MRC1: variants seen among roughly 807,000 people sequenced by gnomAD.
MRC1 encodes the protein mannose receptor C-type 1, also known as macrophage mannose receptor 1.
Under a neutral mutation model 102.9 loss-of-function variants are expected in MRC1, and 62 were observed. The observed-to-expected ratio is 0.60, with a 90% CI of 0.49 to 0.74. MRC1 has a LOEUF of 0.74. Ranked by LOEUF, MRC1 falls within the 30% of genes least tolerant of loss-of-function variation. MRC1 has a pLI of 0.00. For missense variants in MRC1, 1,237 were observed against 862.8 expected (o/e 1.43, Z -5.43); for synonymous variants, 457 against 298.4 (o/e 1.53, Z -5.48).
At chr10:17,838,044 C>G (rs1157372466) in intron 4 of MRC1, among the ~76,000 whole-genome samples, 3 of 151,540 alleles carry the variant, frequency 2.0e-5, no homozygotes, top group Non-Finnish European at 4.4e-5. Flanking sequence ...ATATTATTAG[C>G]CCCACTGTAT....
At chr10:17,906,378 T>A (rs1258950988) in intron 26 of MRC1, among the ~76,000 whole-genome samples, 1 of 151,970 alleles carries the variant, frequency 6.6e-6, no homozygotes, top group African/African-American at 2.4e-5. Flanking sequence ...CTGAAGAAGT[T>A]CTATGCTTCC....
intron 1 of MRC1, among the ~76,000 whole-genome samples, chr10:17,818,483 A>G (rs1838345776): frequency 6.6e-6 from 1 of 152,198 alleles, no homozygotes; most frequent in Non-Finnish European, 1.5e-5. Flanking sequence ...AAATAAAAGA[A>G]TAAAATGAGT....
rs1233316286 is a variant in MRC1, at chr10:17,848,520, A to G, written c.1064-1059A>G. Among the ~76,000 whole-genome samples the G allele has an allele frequency of 4.6e-5, 7 of 152,250 alleles. No homozygotes were observed. The East Asian group carries it at 1.4e-3, about 29-fold the overall frequency. On this transcript the variant is annotated intron_variant, in intron 6 of 29. Transcript: ENST00000569591. ...AATCAAGATTATACAATTTGATCCT[A>G]TTAGTAGCGAGGCTGAGGATGTTGA...
intron 5 of MRC1, 95 bp downstream of exon 5, chr10:17,840,901 A>G: frequency 1.3e-6 from 1 of 775,796 alleles, no homozygotes. Context: ...TCTCAAAGAG[A>G]AGAATTGGGA....
chr10:17,898,097 G>A lies in MRC1; in HGVS notation c.3314G>A (p.Ser1105Asn). Residue 1105 changes from serine (S) to asparagine (N), a missense_variant, in exon 24 of 30, where the codon AGC (serine) becomes AAC (asparagine). Transcript: ENST00000569591. ...GATGGCTTTGTTAAATATGGCAAAA[G>A]CAGCTATTCACTCATGAGACAAAAA... The part of the protein sequence containing the change: ...QTDGFVKYGK[S>N]SYSLMRQKFQ... 1.3e-6 allele frequency: 1 copy of A among 780,846 alleles called. No homozygotes were observed. Among genetic ancestry groups the A allele is most frequent in the Non-Finnish European group, 2.4e-6 (1 of 417,952 alleles). The allele number at this position is 780,846 out of a possible 1,614,324, so 48.4% of individuals were successfully genotyped here.
chr10:17,877,991 A>G (rs910381231), intron 18 of MRC1, 24 bp downstream of exon 18: 222 of 871,814 alleles, frequency 2.5e-4, no homozygotes, highest in Admixed American at 9.5e-4. Flanking sequence ...GCTAAAAACA[A>G]CTTTGCTTGG....
intron 7 of MRC1, among the ~76,000 whole-genome samples, chr10:17,850,586 A>G (rs1169480237): frequency 1.3e-5 from 2 of 152,166 alleles, no homozygotes; most frequent in South Asian, 2.1e-4. Flanking sequence ...GAAACAGCAT[A>G]ATGATAATGG....
chr10:17,858,934 C>T (rs886612783), intron 9 of MRC1, among the ~76,000 whole-genome samples: 16,566 of 152,268 alleles, frequency 0.11, 1,076 homozygotes, highest in Non-Finnish European at 0.15. Flanking sequence ...GGTTGTTCAA[C>T]CTTCTCATTC....
intron 2 of MRC1, among the ~76,000 whole-genome samples, chr10:17,824,157 C>G (rs963767177): frequency 6.6e-6 from 1 of 152,148 alleles, no homozygotes; most frequent in Admixed American, 6.6e-5. Flanking sequence ...TAAATAAAAT[C>G]AGAGTATTTA....
At chr10:17,813,784 A>G (rs1838264515) in intron 1 of MRC1, among the ~76,000 whole-genome samples, 1 of 149,190 alleles carries the variant, frequency 6.7e-6, no homozygotes, top group African/African-American at 2.5e-5. Context: ...TGTAGCCTTG[A>G]CTTCCCGGGG....
rs1232729046 is a variant in MRC1, at chr10:17,833,748, T to C, written c.711T>C (p.Ala237=). The C allele has an allele frequency of 2.8e-5, 22 of 780,938 alleles. No individual in the cohort carries two copies. Among genetic ancestry groups the C allele is most frequent in the Non-Finnish European group, 4.5e-5 (19 of 418,138 alleles). The allele number at this position is 780,938 out of a possible 1,614,324, so 48.4% of individuals were successfully genotyped here. Residue 237 remains alanine, a synonymous_variant, in exon 4 of 30, where the codon GCT becomes GCC. Transcript: ENST00000569591. ...SVSYQINSKS[A]LTWHQARKSC... is the part of the protein sequence containing the mutation. Reference sequence around the variant, plus strand: ...CCTACCAGATAAACTCCAAATCCGCTTTAACGTGGCACCAGGCGAGGAAAA... The same window carrying C: ...CCTACCAGATAAACTCCAAATCCGCCTTAACGTGGCACCAGGCGAGGAAAA...
chr10:17,838,418 C>T (rs951449989), intron 4 of MRC1, among the ~76,000 whole-genome samples: 1 of 152,034 alleles, frequency 6.6e-6, no homozygotes, highest in Non-Finnish European at 1.5e-5. Context: ...AGTCCTGAAT[C>T]AGATTTGTGG....
intron 22 of MRC1, among the ~76,000 whole-genome samples, chr10:17,889,118 A>G (rs1340799902): frequency 6.6e-6 from 1 of 152,114 alleles, no homozygotes; most frequent in East Asian, 1.9e-4. Flanking sequence ...AGTGTAGCGT[A>G]TCTTTCTCCA....
chr10:17,902,107 G>A lies in MRC1; in HGVS notation c.3784G>A (p.Glu1262Lys). 1 of 780,454 alleles carries A rather than the reference G, an allele frequency of 1.3e-6. No individual in the cohort carries two copies. Among genetic ancestry groups the A allele is most frequent in the Non-Finnish European group, 2.4e-6 (1 of 417,820 alleles). The allele number at this position is 780,454 out of a possible 1,614,324, so 48.3% of individuals were successfully genotyped here. A position where few individuals can be genotyped will look rare whatever the true frequency, so the allele number is the denominator to read the frequency against. Residue 1262 changes from glutamate (E) to lysine (K), a missense_variant, in exon 26 of 30, where the codon GAA becomes AAA. Transcript: ENST00000569591. The part of the protein sequence containing the change: ...YTRNWGQASL[E>K]CLRMGSSLVS... ...AAGAAACTGGGGCCAAGCTTCTCTGGAATGTCTTCGAATGGGTGAGTGCCA... is the reference window on the plus strand; with the variant it reads ...AAGAAACTGGGGCCAAGCTTCTCTGAAATGTCTTCGAATGGGTGAGTGCCA...
At chr10:17,904,539 G>A (rs1455989147) in intron 26 of MRC1, among the ~76,000 whole-genome samples, 1 of 152,138 alleles carries the variant, frequency 6.6e-6, no homozygotes, top group African/African-American at 2.4e-5. Context: ...AAGACTTTCT[G>A]TCTTTTGGTA....
At chr10:17,827,325 T>A (rs1327197275) in intron 2 of MRC1, among the ~76,000 whole-genome samples, 1 of 130,514 alleles carries the variant, frequency 7.7e-6, no homozygotes, top group Non-Finnish European at 1.5e-5. Context: ...GACAGCTCTA[T>A]GTACCCAGCA....
intron 21 of MRC1, among the ~76,000 whole-genome samples, chr10:17,882,489 T>A (rs2130693598): frequency 6.6e-6 from 1 of 152,322 alleles, no homozygotes; most frequent in East Asian, 1.9e-4. Flanking sequence ...ATGGACTGAA[T>A]GTTATGTAAG....
At chr10:17,901,238 T>G (rs1431973161) in intron 25 of MRC1, among the ~76,000 whole-genome samples, 13 of 152,202 alleles carry the variant, frequency 8.5e-5, no homozygotes, top group African/African-American at 2.9e-4. Context: ...GAGTCAATGA[T>G]GGACACCATA....
chr10:17,877,878 T>C (rs1033832009), intron 17 of MRC1, 22 bp from the exon 18 acceptor site: 1 of 872,034 alleles, frequency 1.1e-6, no homozygotes, highest in African/African-American at 1.6e-5. Flanking sequence ...AATTAAACTA[T>C]ACGTAAACTT....
Sources: gnomAD v4.1 joint callset for allele counts (sites outside exome capture counted in the v4.1 genomes callset) on GRCh38, gnomAD v4.1.1 for gene constraint, MANE v1.5 for transcripts, NCBI Gene and HGNC (gene_info 2026-07-23, HGNC 2026-07-21) for gene names.